The following ABTB3 variants were observed in gnomAD, a reference collection of about 807,000 sequenced individuals.
ABTB3 encodes the protein ankyrin repeat and BTB domain containing 3.
the ABTB3 span, among the ~76,000 whole-genome samples, chr12:107,356,179 TATACGGGG>T: frequency 6.6e-6 from 1 of 152,206 alleles, no homozygotes; most frequent in East Asian, 1.9e-4. Flanking sequence ...AATGGCGTGA[TATACGGGG>T]ATTTGCTTAT....
At chr12:107,352,739 G>A in the ABTB3 span, among the ~76,000 whole-genome samples, 1 of 152,128 alleles carries the variant, frequency 6.6e-6, no homozygotes, top group East Asian at 1.9e-4. Context: ...TGCTGGGTTT[G>A]TTGGAGGAAG....
chr12:107,438,157 G>C, the ABTB3 span, among the ~76,000 whole-genome samples: 1 of 152,234 alleles, frequency 6.6e-6, no homozygotes, highest in South Asian at 2.1e-4. Context: ...AGTCACCCCT[G>C]TGTCTCTGAT....
At chr12:107,449,177 C>CTA in the ABTB3 span, among the ~76,000 whole-genome samples, 2 of 152,176 alleles carry the variant, frequency 1.3e-5, no homozygotes, top group African/African-American at 4.8e-5. Flanking sequence ...ACTGCAGAGC[C>CTA]TATAGCCAGC....
chr12:107,610,041 A>G, the ABTB3 span: 1 of 863,898 alleles, frequency 1.2e-6, no homozygotes, highest in South Asian at 1.6e-5. Context: ...ATCAAGAGAC[A>G]TCCGGAGGCC....
chr12:107,426,970 C>A, the ABTB3 span, among the ~76,000 whole-genome samples: 3 of 152,218 alleles, frequency 2.0e-5, no homozygotes, highest in Admixed American at 6.5e-5. Context: ...TTTCACCCCC[C>A]ACTGCCCCAA....
chr12:107,525,380 A>C, the ABTB3 span, among the ~76,000 whole-genome samples: 1 of 151,756 alleles, frequency 6.6e-6, no homozygotes, highest in Admixed American at 6.6e-5. Context: ...AAGAAAGAGA[A>C]AAAATATTAC....
the ABTB3 span, among the ~76,000 whole-genome samples, chr12:107,645,112 AC>A: frequency 6.6e-6 from 1 of 151,986 alleles, no homozygotes; most frequent in Admixed American, 6.6e-5. Flanking sequence ...AGCTAGGATA[AC>A]AGGTGCCGCT....
the ABTB3 span, among the ~76,000 whole-genome samples, chr12:107,646,530 T>C: frequency 6.6e-6 from 1 of 152,214 alleles, no homozygotes; most frequent in Non-Finnish European, 1.5e-5. Context: ...ATATTTTAAA[T>C]GCTTATGACC....
At chr12:107,395,283 A>G in the ABTB3 span, among the ~76,000 whole-genome samples, 1 of 151,972 alleles carries the variant, frequency 6.6e-6, no homozygotes, top group Non-Finnish European at 1.5e-5. Flanking sequence ...CACTTTCATT[A>G]GTACTTCCTC....
chr12:107,398,351 T>A, the ABTB3 span, among the ~76,000 whole-genome samples: 1 of 152,268 alleles, frequency 6.6e-6, no homozygotes, highest in Non-Finnish European at 1.5e-5. Flanking sequence ...GCCGTGGGCC[T>A]GTCCCCACAG....
the ABTB3 span, among the ~76,000 whole-genome samples, chr12:107,628,331 C>T: frequency 6.6e-6 from 1 of 152,136 alleles, no homozygotes; most frequent in Non-Finnish European, 1.5e-5. Context: ...TTAGTAGAGA[C>T]AGGGTTTTAC....
chr12:107,485,766 G>A, the ABTB3 span, among the ~76,000 whole-genome samples: 2 of 152,154 alleles, frequency 1.3e-5, no homozygotes, highest in African/African-American at 4.8e-5. Context: ...GCAACAAACT[G>A]TAGTTGAAAT....
the ABTB3 span, among the ~76,000 whole-genome samples, chr12:107,530,706 A>G: frequency 6.6e-6 from 1 of 152,186 alleles, no homozygotes; most frequent in African/African-American, 2.4e-5. Context: ...TTATTATTTT[A>G]TCATGTGGAT....
the ABTB3 span, among the ~76,000 whole-genome samples, chr12:107,354,265 T>C: frequency 1.3e-5 from 2 of 152,194 alleles, no homozygotes; most frequent in African/African-American, 4.8e-5. Flanking sequence ...TTCACCTATT[T>C]AAGGTATACA....
At chr12:107,648,414 A>AC in the ABTB3 span, among the ~76,000 whole-genome samples, 8 of 151,020 alleles carry the variant, frequency 5.3e-5, no homozygotes, top group Admixed American at 1.3e-4. Context: ...ACACACACAC[A>AC]AAGACAATAG....
At chr12:107,369,113 T>A in the ABTB3 span, among the ~76,000 whole-genome samples, 1 of 152,162 alleles carries the variant, frequency 6.6e-6, no homozygotes, top group South Asian at 2.1e-4. Context: ...TCTACCAACT[T>A]TTTTTTCTTT....
the ABTB3 span, among the ~76,000 whole-genome samples, chr12:107,392,928 G>A: frequency 0.53 from 80,043 of 151,974 alleles, 21,553 homozygotes; most frequent in Middle Eastern, 0.67. Flanking sequence ...CAAACTCACA[G>A]TGGGCACACG....
At chr12:107,581,259 C>T in the ABTB3 span, 1 of 1,512,714 alleles carries the variant, frequency 6.6e-7, no homozygotes, top group African/African-American at 1.4e-5. Context: ...CGCCAGGCGG[C>T]CCGGCTGCTG....
chr12:107,595,443 G>A, the ABTB3 span, among the ~76,000 whole-genome samples: 1 of 152,162 alleles, frequency 6.6e-6, no homozygotes, highest in East Asian at 1.9e-4. Context: ...GCAATGGGGG[G>A]AAAAGAAATG....
Sources: gnomAD v4.1 joint callset for allele counts (sites outside exome capture counted in the v4.1 genomes callset) on GRCh38, gnomAD v4.1.1 for gene constraint, MANE v1.5 for transcripts, NCBI Gene and HGNC (gene_info 2026-07-23, HGNC 2026-07-21) for gene names.